PDGFC: variants seen among roughly 807,000 people sequenced by gnomAD.
PDGFC encodes platelet-derived growth factor C.
In PDGFC, 12 loss-of-function variants were observed where a neutral mutation model predicts 35.5. The observed-to-expected ratio is 0.34, with a 90% CI of 0.22 to 0.55. The LOEUF is 0.55. PDGFC is among the 20% of genes least tolerant of loss of function. The pLI, the probability that PDGFC is intolerant of heterozygous loss-of-function variation, is 0.91. For synonymous variants in PDGFC, 159 were observed against 148.8 expected (o/e 1.07, Z -0.50); for missense variants, 322 against 412.4 (o/e 0.78, Z 1.90).
At chr4:156,855,857 T>C (rs73856763) in intron 1 of PDGFC, among the ~76,000 whole-genome samples, 2,468 of 152,280 alleles carry the variant, frequency 0.016, 58 homozygotes, top group African/African-American at 0.055. Context: ...TATACACATA[T>C]AGTTTCACTG....
chr4:156,892,324 C>A (rs1416929489), intron 1 of PDGFC, among the ~76,000 whole-genome samples: 1 of 152,166 alleles, frequency 6.6e-6, no homozygotes, highest in Non-Finnish European at 1.5e-5. Context: ...TGCTTCTCTA[C>A]TCAGCTTGGA....
In PDGFC at chr4:156,931,718, C is replaced by G. The variant is rs1306208787; in HGVS notation, c.118+39068G>C. ...AGACATTTGCTATGTTAACTATCCT[C>G]TTAAACTGAAGTGGAGATATTTATT... On this transcript the variant is annotated intron_variant, in intron 1 of 5. Transcript: ENST00000502773. Among the ~76,000 whole-genome samples the G allele has an allele frequency of 2.6e-5, 4 of 152,118 alleles. No homozygotes were observed. In the East Asian group the frequency reaches 7.7e-4, roughly 29 times the overall value.
chr4:156,762,703 G>T lies in PDGFC; in HGVS notation c.*387C>A, dbSNP rs1464516416. 6.4e-6 allele frequency: 1 copy of T among 157,100 alleles called. No individual in the cohort carries two copies. Among genetic ancestry groups the T allele is most frequent in the Non-Finnish European group, 1.4e-5 (1 of 71,724 alleles). 9.7% of individuals were successfully genotyped at this position (157,100 alleles called of 1,614,324 possible). A position where few individuals can be genotyped will look rare whatever the true frequency, so the allele number is the denominator to read the frequency against. On this transcript the variant is annotated 3_prime_UTR_variant, in exon 6 of 6. Coordinates refer to ENST00000502773, the MANE Select transcript of PDGFC (RefSeq NM_016205.3). ...AGCTTTAGAGTTAAGCAAGGCAACGGAATCAGGTGCTCACTTGCACAGTTT... is the reference window on the plus strand; with the variant it reads ...AGCTTTAGAGTTAAGCAAGGCAACGTAATCAGGTGCTCACTTGCACAGTTT...
chr4:156,801,616 T>C (rs1332695556), intron 3 of PDGFC, among the ~76,000 whole-genome samples: 2 of 152,234 alleles, frequency 1.3e-5, no homozygotes, highest in African/African-American at 4.8e-5. Flanking sequence ...ACATACTATG[T>C]CCTTAATATA....
chr4:156,895,855 T>C (rs1560861994), intron 1 of PDGFC, among the ~76,000 whole-genome samples: 5 of 152,104 alleles, frequency 3.3e-5, no homozygotes, highest in African/African-American at 1.2e-4. Flanking sequence ...ACAGGAAAGT[T>C]ACAGTGAGAG....
intron 1 of PDGFC, among the ~76,000 whole-genome samples, chr4:156,934,396 T>G (rs1731627244): frequency 6.6e-6 from 1 of 152,206 alleles, no homozygotes; most frequent in African/African-American, 2.4e-5. Context: ...TACACCTGTA[T>G]AGAGTTCCTA....
At chr4:156,796,070 T>C (rs1329327469) in intron 3 of PDGFC, among the ~76,000 whole-genome samples, 1 of 152,188 alleles carries the variant, frequency 6.6e-6, no homozygotes, top group Non-Finnish European at 1.5e-5. Flanking sequence ...CTTTAATCTA[T>C]GATAGATGTT....
intron 1 of PDGFC, among the ~76,000 whole-genome samples, chr4:156,913,311 T>C (rs1332917305): frequency 1.3e-5 from 2 of 152,104 alleles, no homozygotes; most frequent in Non-Finnish European, 2.9e-5. Context: ...GAAGCCCTTC[T>C]AACAAGGACT....
intron 1 of PDGFC, among the ~76,000 whole-genome samples, chr4:156,890,418 T>G (rs1013881626): frequency 1.3e-5 from 2 of 152,174 alleles, no homozygotes; most frequent in Non-Finnish European, 2.9e-5. Context: ...GCTATGCTGC[T>G]TCAGCACTTG....
At chr4:156,926,064 A>T (rs1222194087) in intron 1 of PDGFC, among the ~76,000 whole-genome samples, 3 of 150,488 alleles carry the variant, frequency 2.0e-5, no homozygotes, top group Non-Finnish European at 4.4e-5. Flanking sequence ...AAAAAAAAAA[A>T]AAAAAAAAAG....
At chr4:156,824,337 C>T (rs1285818703) in intron 2 of PDGFC, among the ~76,000 whole-genome samples, 18 of 120,648 alleles carry the variant, frequency 1.5e-4, no homozygotes, top group South Asian at 5.2e-4. Flanking sequence ...TACACACACA[C>T]ACACACACAC....
intron 1 of PDGFC, among the ~76,000 whole-genome samples, chr4:156,960,252 T>TTATATATATATATATATA (rs202066963): frequency 2.4e-3 from 329 of 137,026 alleles, no homozygotes; most frequent in African/African-American, 8.8e-3. Context: ...TATATAACTG[T>TTATATATATATATATATA]TATATATATA....
At chr4:156,920,281 A>G (rs2110837290) in intron 1 of PDGFC, among the ~76,000 whole-genome samples, 2 of 152,352 alleles carry the variant, frequency 1.3e-5, no homozygotes, top group South Asian at 4.1e-4. Context: ...TTGAATTGTT[A>G]TTACATCTAA....
chr4:156,948,567 AC>A (rs1732002660), intron 1 of PDGFC, among the ~76,000 whole-genome samples: 2 of 151,974 alleles, frequency 1.3e-5, no homozygotes, highest in Admixed American at 1.3e-4. Context: ...CCTTCCCTGA[AC>A]CCTCTGTTTA....
chr4:156,903,786 C>T (rs1365192345), intron 1 of PDGFC, among the ~76,000 whole-genome samples: 2 of 152,084 alleles, frequency 1.3e-5, no homozygotes, highest in African/African-American at 4.8e-5. Flanking sequence ...TCTGTAGAAT[C>T]TCTTGATTAA....
At chr4:156,827,072 A>G (rs1016565896) in intron 2 of PDGFC, among the ~76,000 whole-genome samples, 18 of 152,224 alleles carry the variant, frequency 1.2e-4, no homozygotes, top group Non-Finnish European at 4.4e-5. Context: ...TCTGAAGCTT[A>G]AGAAAAATTC....
chr4:156,942,604 A>AAGAGCAC (rs1407666222), intron 1 of PDGFC, among the ~76,000 whole-genome samples: 3 of 151,214 alleles, frequency 2.0e-5, no homozygotes, highest in Non-Finnish European at 4.4e-5. Context: ...GAGAAACAGT[A>AAGAGCAC]AGAGCACAAA....
intron 2 of PDGFC, among the ~76,000 whole-genome samples, chr4:156,841,764 C>T (rs796075892): frequency 6.6e-6 from 1 of 151,998 alleles, no homozygotes; most frequent in South Asian, 2.1e-4. Context: ...TCTTGGTCTC[C>T]CAAAGTGCTA....
At chr4:156,858,466 C>T (rs148605639) in intron 1 of PDGFC, among the ~76,000 whole-genome samples, 45 of 152,096 alleles carry the variant, frequency 3.0e-4, no homozygotes, top group African/African-American at 1.1e-3. Context: ...CATACACACA[C>T]AATTGCACAC....
Sources: allele counts gnomAD v4.1 joint callset (sites outside exome capture counted in the v4.1 genomes callset), GRCh38; gene constraint gnomAD v4.1.1; transcripts MANE v1.5; gene names NCBI Gene and HGNC (gene_info 2026-07-23, HGNC 2026-07-21).